Variants in IMMP2L observed in about 807,000 individuals in gnomAD.
IMMP2L encodes inner mitochondrial membrane peptidase subunit 2.
In IMMP2L, 18 loss-of-function variants were observed where a neutral mutation model predicts 19.3. The ratio of observed to expected loss-of-function variants is 0.93; its 90% confidence interval spans 0.64 to 1.38. IMMP2L has a LOEUF of 1.38. Among genes scored for constraint, IMMP2L ranks in the 40% most tolerant of loss-of-function variants. The pLI is 0.00. For synonymous variants in IMMP2L, 76 were observed against 73.0 expected (o/e 1.04, Z -0.21); for missense variants, 233 against 218.2 (o/e 1.07, Z -0.43).
At chr7:111,496,384 G>A (rs1843595599) in intron 2 of IMMP2L, among the ~76,000 whole-genome samples, 1 of 151,978 alleles carries the variant, frequency 6.6e-6, no homozygotes, top group Admixed American at 6.6e-5. Context: ...TTAATTTTAG[G>A]TGTCAACTTG....
chr7:110,940,419 A>T (rs2129552940), intron 4 of IMMP2L, among the ~76,000 whole-genome samples: 1 of 152,324 alleles, frequency 6.6e-6, no homozygotes, highest in African/African-American at 2.4e-5. Context: ...TAGTAATCAA[A>T]AAATTATAAA....
At chr7:111,139,883 G>T (rs1802707854) in intron 3 of IMMP2L, among the ~76,000 whole-genome samples, 1 of 152,086 alleles carries the variant, frequency 6.6e-6, no homozygotes, top group Non-Finnish European at 1.5e-5. Flanking sequence ...TCTCTGACAA[G>T]ATTGCCTGTG....
At chr7:110,837,193 T>C (rs1342332627) in intron 5 of IMMP2L, among the ~76,000 whole-genome samples, 2 of 152,168 alleles carry the variant, frequency 1.3e-5, no homozygotes, top group Admixed American at 1.3e-4. Flanking sequence ...GGATTACATC[T>C]ACAGGTATTG....
At chr7:110,863,000 G>A (rs1807607808) in intron 5 of IMMP2L, among the ~76,000 whole-genome samples, 1 of 151,944 alleles carries the variant, frequency 6.6e-6, no homozygotes, top group African/African-American at 2.4e-5. Flanking sequence ...GGAAACTGGG[G>A]GATCGGAGAA....
chr7:111,356,596 A>G (rs889103454), intron 3 of IMMP2L, among the ~76,000 whole-genome samples: 1 of 152,202 alleles, frequency 6.6e-6, no homozygotes, highest in Non-Finnish European at 1.5e-5. Flanking sequence ...TTTTTAGTGT[A>G]GCACTGAAAA....
intron 4 of IMMP2L, among the ~76,000 whole-genome samples, chr7:110,903,865 T>C (rs1812173883): frequency 6.6e-6 from 1 of 152,174 alleles, no homozygotes; most frequent in African/African-American, 2.4e-5. Flanking sequence ...GGTTCCAATT[T>C]CTCCACGCCT....
intron 3 of IMMP2L, among the ~76,000 whole-genome samples, chr7:110,987,285 T>C (rs910353529): frequency 6.6e-6 from 1 of 152,178 alleles, no homozygotes; most frequent in African/African-American, 2.4e-5. Flanking sequence ...TTTTAAACTC[T>C]TGACAGGGGA....
At chr7:111,437,454 ATAAAT>A (rs898755455) in intron 3 of IMMP2L, among the ~76,000 whole-genome samples, 13 of 152,072 alleles carry the variant, frequency 8.5e-5, no homozygotes, top group Admixed American at 6.5e-4. Flanking sequence ...CTCAAAAAAA[ATAAAT>A]TAATGCATCC....
chr7:110,810,818 T>G (rs1801985277), intron 5 of IMMP2L, among the ~76,000 whole-genome samples: 1 of 152,080 alleles, frequency 6.6e-6, no homozygotes. Flanking sequence ...TATTTAAGCC[T>G]CAAATATGTG....
chr7:110,676,354 A>T (rs1314642113), intron 5 of IMMP2L, among the ~76,000 whole-genome samples: 1 of 152,260 alleles, frequency 6.6e-6, no homozygotes, highest in African/African-American at 2.4e-5. Flanking sequence ...CATTTGTTCC[A>T]ATGAAACTTG....
intron 5 of IMMP2L, among the ~76,000 whole-genome samples, chr7:110,712,804 C>G (rs1348092428): frequency 7.9e-6 from 1 of 126,450 alleles, no homozygotes; most frequent in Admixed American, 8.0e-5. Flanking sequence ...TTCTTTGACT[C>G]GGAAAGGGGA....
intron 3 of IMMP2L, among the ~76,000 whole-genome samples, chr7:110,966,388 G>A (rs1485936020): frequency 6.6e-6 from 1 of 151,910 alleles, no homozygotes; most frequent in Non-Finnish European, 1.5e-5. Flanking sequence ...AAGAAGACAT[G>A]CTCCAAGATA....
rs547984445 is a variant in IMMP2L at position 110,891,484 on chromosome 7, A to G, written c.306-4789T>C. 3.9e-5 allele frequency among the ~76,000 whole-genome samples: 6 copies of G among 152,324 alleles called. No individual in the cohort carries two copies. The South Asian group carries it at 1.0e-3, about 26-fold the overall frequency. ...TGGTTTTCAGGTTTTCTATAGATAA[A>G]TCCCAGCTGACAAGAACCCACAATC... is the stretch of plus-strand genomic sequence containing the variant. On this transcript the variant is annotated intron_variant, in intron 4 of 5. Coordinates refer to ENST00000405709, the MANE Select transcript of IMMP2L (RefSeq NM_032549.4).
At chr7:111,383,978 T>C (rs1462387188) in intron 3 of IMMP2L, among the ~76,000 whole-genome samples, 1 of 152,106 alleles carries the variant, frequency 6.6e-6, no homozygotes, top group Admixed American at 6.6e-5. Flanking sequence ...TTATAATTAG[T>C]TATTTAATTG....
At chr7:110,876,947 C>T (rs1194283004) in intron 5 of IMMP2L, among the ~76,000 whole-genome samples, 1 of 152,086 alleles carries the variant, frequency 6.6e-6, no homozygotes, top group Non-Finnish European at 1.5e-5. Flanking sequence ...ACTAATCTTT[C>T]TAAAGTTATC....
At chr7:111,383,063 T>G (rs977116454) in intron 3 of IMMP2L, among the ~76,000 whole-genome samples, 2 of 152,020 alleles carry the variant, frequency 1.3e-5, no homozygotes, top group Non-Finnish European at 2.9e-5. Flanking sequence ...ATGATTGCCA[T>G]TAGTCATGGA....
intron 3 of IMMP2L, among the ~76,000 whole-genome samples, chr7:110,965,634 AG>A (rs1254314398): frequency 6.6e-6 from 1 of 152,020 alleles, no homozygotes; most frequent in Non-Finnish European, 1.5e-5. Flanking sequence ...TACTCTCTGC[AG>A]GGTTACTTAT....
chr7:111,031,400 G>GTA (rs1790803457), intron 3 of IMMP2L, among the ~76,000 whole-genome samples: 1 of 83,330 alleles, frequency 1.2e-5, no homozygotes, highest in Admixed American at 1.1e-4. Flanking sequence ...GTGTGTGTGT[G>GTA]TGTGTGTGAG....
At chr7:111,208,071 T>C (rs1810914901) in intron 3 of IMMP2L, among the ~76,000 whole-genome samples, 1 of 152,144 alleles carries the variant, frequency 6.6e-6, no homozygotes, top group South Asian at 2.1e-4. Flanking sequence ...CCACTTTTAC[T>C]GTTTTTTCAG....
Sources: gnomAD v4.1 joint callset for allele counts (sites outside exome capture counted in the v4.1 genomes callset) on GRCh38, gnomAD v4.1.1 for gene constraint, MANE v1.5 for transcripts, NCBI Gene and HGNC (gene_info 2026-07-23, HGNC 2026-07-21) for gene names.